Variants in ADAM22 observed in about 807,000 individuals in gnomAD.
ADAM22 encodes the protein ADAM metallopeptidase domain 22, also known as disintegrin and metalloproteinase domain-containing protein 22.
In ADAM22, 65 loss-of-function variants were observed where a neutral mutation model predicts 144.6. The observed-to-expected ratio is 0.45, with a 90% CI of 0.37 to 0.55. The LOEUF (loss-of-function observed/expected upper bound fraction) is 0.55. Among genes scored for constraint, ADAM22 ranks in the 20% least tolerant of loss-of-function variants. ADAM22 has a pLI of 0.00. For synonymous variants in ADAM22, 391 were observed against 412.6 expected (o/e 0.95, Z 0.63); for missense variants, 974 against 1,184.9 (o/e 0.82, Z 2.61).
intron 3 of ADAM22, among the ~76,000 whole-genome samples, chr7:88,052,944 G>A (rs1806914071): frequency 6.6e-6 from 1 of 152,000 alleles, no homozygotes; most frequent in African/African-American, 2.4e-5. Context: ...TTACTTCATT[G>A]TTAAATGTAT....
At chr7:88,143,511 C>T (rs1586147396) in intron 15 of ADAM22, among the ~76,000 whole-genome samples, 1 of 152,154 alleles carries the variant, frequency 6.6e-6, no homozygotes, top group East Asian at 1.9e-4. Flanking sequence ...TATCTACCCT[C>T]ATCACTCCCT....
intron 7 of ADAM22, among the ~76,000 whole-genome samples, chr7:88,119,490 A>G (rs1828680035): frequency 6.6e-6 from 1 of 152,012 alleles, no homozygotes; most frequent in Non-Finnish European, 1.5e-5. Context: ...TGAATATACC[A>G]CTTTTTTCAG....
chr7:88,180,127 T>C (rs900074158), intron 27 of ADAM22, among the ~76,000 whole-genome samples: 1 of 152,094 alleles, frequency 6.6e-6, no homozygotes, highest in African/African-American at 2.4e-5. Context: ...TGTGGAACTT[T>C]CTTAAGCATG....
intron 3 of ADAM22, among the ~76,000 whole-genome samples, chr7:87,995,024 G>T (rs574542778): frequency 3.2e-4 from 49 of 152,020 alleles, no homozygotes; most frequent in African/African-American, 1.0e-3. Flanking sequence ...TAGAGACGGG[G>T]TTTCACCGTG....
intron 3 of ADAM22, among the ~76,000 whole-genome samples, chr7:88,046,232 T>C (rs890099233): frequency 7.9e-5 from 12 of 152,208 alleles, no homozygotes; most frequent in African/African-American, 2.9e-4. Flanking sequence ...GCCCTTGCTA[T>C]CTTTTTGTTA....
intron 3 of ADAM22, among the ~76,000 whole-genome samples, chr7:88,059,095 T>G (rs1033131139): frequency 2.0e-5 from 3 of 152,182 alleles, no homozygotes. Context: ...CTCTGAACAT[T>G]GACACCAAGT....
At chr7:87,966,728 T>TTTTTG (rs1849164136) in intron 2 of ADAM22, among the ~76,000 whole-genome samples, 2 of 126,698 alleles carry the variant, frequency 1.6e-5, no homozygotes, top group Admixed American at 7.7e-5. Context: ...GCCGTTTTTT[T>TTTTTG]TTTTTTTTTT....
intron 3 of ADAM22, among the ~76,000 whole-genome samples, chr7:88,061,011 G>A (rs1337368417): frequency 6.6e-6 from 1 of 151,886 alleles, no homozygotes; most frequent in East Asian, 1.9e-4. Context: ...GGCTGAGGCA[G>A]GAGAATCACT....
intron 3 of ADAM22, among the ~76,000 whole-genome samples, chr7:87,982,702 T>A (rs1853961659): frequency 3.1e-5 from 1 of 32,284 alleles, no homozygotes; most frequent in Non-Finnish European, 5.8e-5. Context: ...TATATATAAT[T>A]TTTTTTTTTG....
At chr7:88,005,667 T>G (rs1793640891) in intron 3 of ADAM22, among the ~76,000 whole-genome samples, 1 of 152,150 alleles carries the variant, frequency 6.6e-6, no homozygotes, top group Admixed American at 6.5e-5. Flanking sequence ...TCTGTCACAT[T>G]AACCGTATTT....
Position 88,051,630 on chromosome 7 carries a change from A to G in ADAM22, c.324-23996A>G, listed in dbSNP as rs567986470. Among the ~76,000 whole-genome samples, 4 of 152,214 alleles carry G rather than the reference A, an allele frequency of 2.6e-5. 1 individual carries two copies. The highest frequency in any genetic ancestry group is 4.2e-4 in the South Asian group (2 of 4,818). ...ACGAGTTAGTGGGTGCAGCACACCA[A>G]CATGGCACACGTATACATATGTAAC... On this transcript the variant is annotated intron_variant, in intron 3 of 31. Transcript: ENST00000413139.
intron 2 of ADAM22, among the ~76,000 whole-genome samples, chr7:87,946,221 G>A (rs1160613110): frequency 6.6e-6 from 1 of 151,944 alleles, no homozygotes; most frequent in Admixed American, 6.6e-5. Context: ...GTTTTATTGG[G>A]ATTATTTATT....
intron 4 of ADAM22, among the ~76,000 whole-genome samples, chr7:88,092,988 T>A (rs892205998): frequency 1.3e-4 from 20 of 152,346 alleles, no homozygotes; most frequent in Admixed American, 1.0e-3. Flanking sequence ...AAGAGTTATT[T>A]CATCTGTTAA....
chr7:88,014,060 A>G (rs1443425711), intron 3 of ADAM22, among the ~76,000 whole-genome samples: 1 of 151,962 alleles, frequency 6.6e-6, no homozygotes, highest in Non-Finnish European at 1.5e-5. Context: ...CTAATTGTCT[A>G]TTTTTTTCTG....
intron 4 of ADAM22, among the ~76,000 whole-genome samples, chr7:88,105,408 C>T (rs1310912915): frequency 3.3e-5 from 5 of 152,142 alleles, no homozygotes; most frequent in African/African-American, 4.8e-5. Context: ...CTGGCCAACA[C>T]AAAGCTAGAA....
At chr7:88,158,329 T>C (rs184541311) in intron 22 of ADAM22, among the ~76,000 whole-genome samples, 3 of 152,204 alleles carry the variant, frequency 2.0e-5, no homozygotes, top group African/African-American at 7.2e-5. Context: ...TCACTGATAG[T>C]ATTAGATAGA....
chr7:88,022,138 C>G (rs2129466684), intron 3 of ADAM22, among the ~76,000 whole-genome samples: 1 of 152,096 alleles, frequency 6.6e-6, no homozygotes, highest in East Asian at 1.9e-4. Context: ...TCAAGTGATC[C>G]TCCTGCCTCA....
chr7:87,952,403 A>G lies in ADAM22; in HGVS notation c.246+17217A>G, dbSNP rs200433590. 4.4e-3 allele frequency among the ~76,000 whole-genome samples: 673 copies of G among 152,154 alleles called. 1 individual carries two copies. The highest frequency in any genetic ancestry group is 7.0e-3 in the Non-Finnish European group (473 of 67,984). ...TTTCTGCATCTATTGAGATAATCAT[A>G]TGGTTTTTGTCTTTGGTTCTGTTTA... On this transcript the variant is annotated intron_variant, in intron 2 of 31. Transcript: ENST00000413139.
At chr7:88,054,192 T>G (rs1807493033) in intron 3 of ADAM22, among the ~76,000 whole-genome samples, 1 of 152,180 alleles carries the variant, frequency 6.6e-6, no homozygotes. Flanking sequence ...GTGTATTATA[T>G]TACACATATA....
Sources: gnomAD v4.1 joint callset for allele counts (sites outside exome capture counted in the v4.1 genomes callset) on GRCh38, gnomAD v4.1.1 for gene constraint, MANE v1.5 for transcripts, NCBI Gene and HGNC (gene_info 2026-07-23, HGNC 2026-07-21) for gene names.